Variants in FANCD2 observed in about 807,000 individuals in gnomAD.
FANCD2 encodes the protein FA complementation group D2.
In FANCD2, 131 loss-of-function variants were observed where a neutral mutation model predicts 192.3. That is an observed-to-expected ratio of 0.68 (90% CI 0.59 to 0.79). FANCD2 has a LOEUF of 0.79. Ranked by LOEUF, FANCD2 falls within the 30% of genes least tolerant of loss-of-function variation. The pLI is 0.00. For missense variants in FANCD2, 1,508 were observed against 1,701.6 expected (o/e 0.89, Z 2.00); for synonymous variants, 524 against 612.5 (o/e 0.86, Z 2.13).
At chr3:10,055,238 A>G (rs370815069) in intron 18 of FANCD2, among the ~76,000 whole-genome samples, 26 of 152,230 alleles carry the variant, frequency 1.7e-4, no homozygotes, top group African/African-American at 6.0e-4. Flanking sequence ...TATATTCACA[A>G]TGTTATACAA....
Position 10,085,919 on chromosome 3 carries a change from T to G in FANCD2, c.3332T>G (p.Leu1111Arg). The G allele has an allele frequency of 6.3e-7, 1 of 1,599,752 alleles. No individual in the cohort carries two copies. The highest frequency in any genetic ancestry group is 8.6e-7 in the Non-Finnish European group (1 of 1,167,020). ...CACAGCCAGCCTTTGGAGGAACTAC[T>G]CAGGTGAGTCATAACTACATAGCCA... ...GEHSQPLEEL[L>R]SQSVHYLQNF... The change falls in exon 33 of 44, where the codon CTC (leucine) becomes CGC (arginine). Residue 1111 changes from leucine (L) to arginine (R), a missense_variant. Transcript: ENST00000675286.
chr3:10,053,452 C>T (rs1159473410), intron 18 of FANCD2, among the ~76,000 whole-genome samples: 5 of 151,724 alleles, frequency 3.3e-5, no homozygotes, highest in Non-Finnish European at 7.4e-5. Flanking sequence ...GGGTGCAGCA[C>T]ACCAGCATGG....
At chr3:10,073,601 T>G in intron 28 of FANCD2, among the ~76,000 whole-genome samples, 1 of 152,204 alleles carries the variant, frequency 6.6e-6, no homozygotes. Flanking sequence ...TTTACTCCCT[T>G]TTTTGTACCC....
At chr3:10,071,754 A>C (rs1693261308) in intron 26 of FANCD2, among the ~76,000 whole-genome samples, 1 of 152,142 alleles carries the variant, frequency 6.6e-6, no homozygotes, top group African/African-American at 2.4e-5. Context: ...AGAATGAATA[A>C]GATCTAGTTG....
chr3:10,098,333 A>G (rs34179822), intron 42 of FANCD2, among the ~76,000 whole-genome samples: 36,760 of 152,066 alleles, frequency 0.24, 5,948 homozygotes, highest in African/African-American at 0.46. Context: ...CCACCTCACC[A>G]TACTGTCCTT....
At chr3:10,089,549 A>G (rs1183729037) in intron 36 of FANCD2, among the ~76,000 whole-genome samples, 1 of 152,086 alleles carries the variant, frequency 6.6e-6, no homozygotes, top group Non-Finnish European at 1.5e-5. Context: ...AGCTCACTGC[A>G]ACCTCCACCT....
At chr3:10,100,653 C>T (rs1174037731) in intron 43 of FANCD2, among the ~76,000 whole-genome samples, 2 of 152,160 alleles carry the variant, frequency 1.3e-5, no homozygotes, top group Non-Finnish European at 2.9e-5. Flanking sequence ...ATTACTTTGG[C>T]GTGAGCCACC....
chr3:10,046,378 A>G (rs1454675821), intron 14 of FANCD2: 31 of 771,264 alleles, frequency 4.0e-5, no homozygotes, highest in Middle Eastern at 4.1e-4. Flanking sequence ...AGGGGTATCA[A>G]TGGTTAACAG....
At chr3:10,049,787 A>G (rs2087143088) in intron 17 of FANCD2, among the ~76,000 whole-genome samples, 1 of 152,232 alleles carries the variant, frequency 6.6e-6, no homozygotes, top group Non-Finnish European at 1.5e-5. Flanking sequence ...AAAGTACTAT[A>G]GATATAACAG....
intron 9 of FANCD2, chr3:10,040,407 T>C (rs973896083): frequency 1.4e-5 from 6 of 443,320 alleles, no homozygotes; most frequent in African/African-American, 1.2e-4. Context: ...TATCTAAATT[T>C]GGCCAGTGGA....
rs910966510 is a variant in FANCD2, at chr3:10,078,171, A to G, written c.2950A>G (p.Ile984Val). The G allele has an allele frequency of 6.2e-7, 1 of 1,611,978 alleles. No individual in the cohort carries two copies. Among genetic ancestry groups the G allele is most frequent in the African/African-American group, 1.3e-5 (1 of 74,972 alleles). ...QKLESMLTPP[I>V]ARRVPFLKNK... The stretch of plus-strand genomic sequence containing the variant: ...GCTGGAGAGTATGCTGACACCTCCT[A>G]TTGCCAGGAGAGTCCCCTTTCTCAA... The change falls in exon 30 of 44, where the codon ATT becomes GTT. Residue 984 changes from isoleucine to valine, a missense_variant. Physicochemically the swap from Ile to Val is conservative, Grantham distance 29 (BLOSUM62 3). Coordinates refer to ENST00000675286, the MANE Select transcript of FANCD2 (RefSeq NM_001018115.3).
intron 32 of FANCD2, among the ~76,000 whole-genome samples, chr3:10,084,762 G>C (rs1482733216): frequency 6.6e-6 from 1 of 152,208 alleles, no homozygotes; most frequent in Admixed American, 6.5e-5. Context: ...TAGAGGAGAA[G>C]ATCTAGGACG....
In FANCD2 at chr3:10,085,920, C is replaced by T. The variant is rs956067003; in HGVS notation, c.3333C>T (p.Leu1111=). The T allele has an allele frequency of 2.5e-6, 4 of 1,598,994 alleles. No individual in the cohort carries two copies. The highest frequency in any genetic ancestry group is 3.4e-6 in the Non-Finnish European group (4 of 1,166,346). ...ACAGCCAGCCTTTGGAGGAACTACTCAGGTGAGTCATAACTACATAGCCAA... is the reference window on the plus strand; with the variant it reads ...ACAGCCAGCCTTTGGAGGAACTACTTAGGTGAGTCATAACTACATAGCCAA... ...GEHSQPLEEL[L]SQSVHYLQNF... The change falls in exon 33 of 44, where the codon CTC becomes CTT. Residue 1111 remains leucine, a splice_region_variant and synonymous_variant. Transcript: ENST00000675286.
At chr3:10,028,022 AG>A (rs2086498376) in intron 1 of FANCD2, among the ~76,000 whole-genome samples, 2 of 150,164 alleles carry the variant, frequency 1.3e-5, no homozygotes, top group Admixed American at 1.3e-4. Context: ...AGACCAGCCT[AG>A]CCGACATGGT....
intron 19 of FANCD2, among the ~76,000 whole-genome samples, chr3:10,060,968 T>G (rs1305617300): frequency 6.6e-6 from 1 of 152,194 alleles, no homozygotes; most frequent in Non-Finnish European, 1.5e-5. Context: ...AGAATCCACA[T>G]TGTGGAATCC....
At chr3:10,100,671 G>A (rs1249019838) in intron 43 of FANCD2, among the ~76,000 whole-genome samples, 1 of 152,186 alleles carries the variant, frequency 6.6e-6, no homozygotes, top group Admixed American at 6.5e-5. Flanking sequence ...ACCGTGCACT[G>A]CCATACCACC....
chr3:10,042,966 G>A, intron 11 of FANCD2, 84 bp from the exon 12 acceptor site: 1 of 1,223,200 alleles, frequency 8.2e-7, no homozygotes, highest in Non-Finnish European at 1.2e-6. Context: ...CAGTCTTTCA[G>A]GAGATTGTCA....
chr3:10,069,639 T>G (rs1180025110), intron 26 of FANCD2, among the ~76,000 whole-genome samples: 1 of 151,862 alleles, frequency 6.6e-6, no homozygotes, highest in Admixed American at 6.6e-5. Flanking sequence ...TTTTCGTACT[T>G]TTTTGGTGGA....
intron 7 of FANCD2, among the ~76,000 whole-genome samples, chr3:10,038,664 T>C (rs551831953): frequency 1.3e-4 from 19 of 143,706 alleles, no homozygotes; most frequent in Non-Finnish European, 2.0e-4. Context: ...CACTGCAACC[T>C]CCGCCTTCTG....
Sources: gnomAD v4.1 joint callset for allele counts (sites outside exome capture counted in the v4.1 genomes callset) on GRCh38, gnomAD v4.1.1 for gene constraint, MANE v1.5 for transcripts, NCBI Gene and HGNC (gene_info 2026-07-23, HGNC 2026-07-21) for gene names.